The following ADAMTS17 variants were observed in gnomAD, a reference collection of about 807,000 sequenced individuals.
ADAMTS17 encodes the protein ADAM metallopeptidase with thrombospondin type 1 motif 17.
Under a neutral mutation model 141.5 loss-of-function variants are expected in ADAMTS17, and 113 were observed. The ratio of observed to expected loss-of-function variants is 0.80; its 90% confidence interval spans 0.69 to 0.93. The LOEUF (loss-of-function observed/expected upper bound fraction) is 0.93. Ranked by LOEUF, ADAMTS17 falls within the 40% of genes least tolerant of loss-of-function variation. ADAMTS17 has a pLI of 0.00. For synonymous variants in ADAMTS17, 768 were observed against 630.6 expected (o/e 1.22, Z -3.27); for missense variants, 1,659 against 1,517.9 (o/e 1.09, Z -1.54).
chr15:100,139,087 C>T (rs906876487), intron 10 of ADAMTS17, among the ~76,000 whole-genome samples: 10 of 151,230 alleles, frequency 6.6e-5, no homozygotes, highest in Admixed American at 2.0e-4. Context: ...TTAAAAAGGG[C>T]GAAACAGAAA....
At chr15:100,153,338 T>C (rs1233681208) in intron 9 of ADAMTS17, among the ~76,000 whole-genome samples, 1 of 152,012 alleles carries the variant, frequency 6.6e-6, no homozygotes, top group Non-Finnish European at 1.5e-5. Context: ...GAGAGGCGCG[T>C]CTCTAAAAGA....
intron 19 of ADAMTS17, among the ~76,000 whole-genome samples, chr15:99,996,973 G>A (rs2060814838): frequency 6.6e-6 from 1 of 152,202 alleles, no homozygotes; most frequent in African/African-American, 2.4e-5. Context: ...ACTAAAAGCT[G>A]TCCCTCCTGG....
At chr15:100,332,727 A>C (rs2141962094) in intron 2 of ADAMTS17, among the ~76,000 whole-genome samples, 1 of 152,324 alleles carries the variant, frequency 6.6e-6, no homozygotes, top group South Asian at 2.1e-4. Flanking sequence ...CACCTTAGGG[A>C]AGGTTTTTCT....
Position 100,314,216 on chromosome 15 carries a change from A to G in ADAMTS17, c.616+16673T>C, listed in dbSNP as rs1303598065. On this transcript the variant is annotated intron_variant, in intron 3 of 21. Coordinates refer to ENST00000268070, the MANE Select transcript of ADAMTS17 (RefSeq NM_139057.4). ...CCAGATTGGAGAAGACTCGGAAGAC[A>G]TGACAGCTAAATGCAATATGTGAGT... Among the ~76,000 whole-genome samples, 8 of 152,404 alleles carry G rather than the reference A, an allele frequency of 5.2e-5. 1 individual carries two copies. Among genetic ancestry groups the G allele is most frequent in the African/African-American group, 1.9e-4 (8 of 41,600 alleles).
intron 6 of ADAMTS17, among the ~76,000 whole-genome samples, chr15:100,261,186 A>G (rs1305659583): frequency 6.6e-6 from 1 of 152,148 alleles, no homozygotes; most frequent in Non-Finnish European, 1.5e-5. Flanking sequence ...AAATCCCATG[A>G]CTGTTATATT....
chr15:100,086,903 T>C (rs927195949), intron 15 of ADAMTS17, among the ~76,000 whole-genome samples: 6 of 152,016 alleles, frequency 3.9e-5, no homozygotes, highest in African/African-American at 1.5e-4. Flanking sequence ...AGATCTAAAA[T>C]TGACACCCTA....
chr15:100,008,754 A>C (rs1465088739), intron 18 of ADAMTS17, among the ~76,000 whole-genome samples: 1 of 152,186 alleles, frequency 6.6e-6, no homozygotes, highest in South Asian at 2.1e-4. Context: ...GCCAGCCTGA[A>C]AAAACAGGCC....
intron 17 of ADAMTS17, among the ~76,000 whole-genome samples, chr15:100,050,412 G>A (rs2032049082): frequency 6.6e-6 from 1 of 152,194 alleles, no homozygotes; most frequent in South Asian, 2.1e-4. Context: ...GCAGCTAAGG[G>A]CTGAGGGGGA....
In ADAMTS17 at chr15:99,973,236, A is replaced by G. The variant is rs1359975174; in HGVS notation, c.*1166T>C. 6.6e-6 allele frequency: 1 copy of G among 152,118 alleles called. No homozygotes were observed. Among genetic ancestry groups the G allele is most frequent in the African/African-American group, 2.4e-5 (1 of 41,414 alleles). 9.4% of individuals were successfully genotyped at this position (152,118 alleles called of 1,614,324 possible). A position where few individuals can be genotyped will look rare whatever the true frequency, so the allele number is the denominator to read the frequency against. On this transcript the variant is annotated 3_prime_UTR_variant, in exon 22 of 22. Transcript: ENST00000268070. ...GTCAATGATGACAGGCGTGATGATA[A>G]TGGGTACCACAAAGTCTGGGGCTAC...
intron 9 of ADAMTS17, among the ~76,000 whole-genome samples, chr15:100,153,468 CCT>C (rs1248713884): frequency 6.6e-6 from 1 of 152,028 alleles, no homozygotes; most frequent in East Asian, 1.9e-4. Context: ...TGGGGAAACT[CCT>C]GTCTCTACTA....
chr15:100,178,705 A>G (rs2040422025), intron 8 of ADAMTS17, among the ~76,000 whole-genome samples: 1 of 151,994 alleles, frequency 6.6e-6, no homozygotes, highest in African/African-American at 2.4e-5. Context: ...TTCTTTGGAG[A>G]GCTTATTTCA....
chr15:100,341,493 G>A (rs2046365913), intron 1 of ADAMTS17, 84 bp from the exon 2 acceptor site: 1 of 997,880 alleles, frequency 1.0e-6, no homozygotes, highest in South Asian at 4.7e-5. Flanking sequence ...GCGCCAGCGC[G>A]GGGACAGCGC....
rs61464362 is a variant in ADAMTS17, at chr15:100,077,461, C to CAAAAAAAAAAA, written c.2137+18884_2137+18894dup. On this transcript the variant is annotated intron_variant, in intron 15 of 21. Transcript: ENST00000268070. ...TGGGCAACAGAGTGAGACTCCCTCT[C>CAAAAAAAAAAA]AAAAAAAAAAAAAAAATCAATCAAT... is the stretch of plus-strand genomic sequence containing the variant. 1.6e-3 allele frequency among the ~76,000 whole-genome samples: 219 copies of CAAAAAAAAAAA among 139,356 alleles called. 1 individual carries two copies. The highest frequency in any genetic ancestry group is 5.7e-3 in the African/African-American group (210 of 36,646). 91.4% of individuals were successfully genotyped at this position (139,356 alleles called of 152,430 possible).
chr15:100,303,257 C>G (rs1030073678), intron 3 of ADAMTS17, among the ~76,000 whole-genome samples: 2 of 148,818 alleles, frequency 1.3e-5, no homozygotes, highest in East Asian at 3.9e-4. Flanking sequence ...TTCTGTCCCT[C>G]GAGAGAACCC....
intron 3 of ADAMTS17, among the ~76,000 whole-genome samples, chr15:100,287,282 T>A (rs1359994197): frequency 6.6e-6 from 1 of 152,122 alleles, no homozygotes; most frequent in South Asian, 2.1e-4. Flanking sequence ...TACACCAAGT[T>A]GAGGAAGGAA....
intron 13 of ADAMTS17, among the ~76,000 whole-genome samples, chr15:100,114,878 A>C (rs181573098): frequency 9.2e-5 from 14 of 152,328 alleles, no homozygotes; most frequent in Admixed American, 2.0e-4. Context: ...AGGAAAACAG[A>C]AGTTTAATCT....
Position 100,155,336 on chromosome 15 carries a change from G to T in ADAMTS17, c.1182-16C>A, listed in dbSNP as rs746045532. On this transcript the variant is annotated splice_polypyrimidine_tract_variant and intron_variant, in intron 8 of 21. Coordinates refer to ENST00000268070, the MANE Select transcript of ADAMTS17 (RefSeq NM_139057.4). ...CATGCCCAAGCTGTCCAAGAAGGAG[G>T]AGAGAGGGATGCTTATGCTACAAGC... 6.2e-7 allele frequency: 1 copy of T among 1,611,728 alleles called. No individual in the cohort carries two copies. The highest frequency in any genetic ancestry group is 1.1e-5 in the South Asian group (1 of 90,594).
At chr15:100,041,496 A>G (rs2031251769) in intron 18 of ADAMTS17, among the ~76,000 whole-genome samples, 1 of 152,178 alleles carries the variant, frequency 6.6e-6, no homozygotes, top group Non-Finnish European at 1.5e-5. Flanking sequence ...GCTGGGTCTC[A>G]AGGGTCTCGT....
At chr15:99,999,635 T>C (rs531634790) in intron 18 of ADAMTS17, among the ~76,000 whole-genome samples, 1 of 152,084 alleles carries the variant, frequency 6.6e-6, no homozygotes, top group East Asian at 1.9e-4. Flanking sequence ...TCAAATAAGA[T>C]GGAATACTGG....
Sources: gnomAD v4.1 joint callset for allele counts (sites outside exome capture counted in the v4.1 genomes callset) on GRCh38, gnomAD v4.1.1 for gene constraint, MANE v1.5 for transcripts, NCBI Gene and HGNC (gene_info 2026-07-23, HGNC 2026-07-21) for gene names.